MROH7: variants seen among roughly 807,000 people sequenced by gnomAD.
MROH7 encodes maestro heat-like repeat-containing protein family member 7.
MROH7 carries 113 observed loss-of-function variants against 129.2 expected under a neutral mutation model. The observed-to-expected ratio is 0.87, with a 90% CI of 0.75 to 1.02. MROH7 has a LOEUF of 1.02. Among genes scored for constraint, MROH7 ranks in the 50% least tolerant of loss-of-function variants. MROH7 has a pLI of 0.00. For missense variants in MROH7, 1,601 were observed against 1,671.3 expected, an observed-to-expected ratio of 0.96 and a Z score of 0.73; for synonymous variants, 655 against 667.9, an observed-to-expected ratio of 0.98 and a Z score of 0.30.
chr1:54,649,798 C>T (rs904473293), intron 1 of MROH7, among the ~76,000 whole-genome samples: 7 of 152,202 alleles, frequency 4.6e-5, no homozygotes, highest in Non-Finnish European at 1.0e-4. Context: ...GGAAGATTCA[C>T]GCTCCTCCTT....
intron 1 of MROH7, among the ~76,000 whole-genome samples, chr1:54,645,661 T>C (rs1644454955): frequency 6.7e-6 from 1 of 148,680 alleles, no homozygotes. Context: ...CTTTCTTTTT[T>C]TTTTTTTTTG....
chr1:54,710,097 C>G lies in MROH7; in HGVS notation c.3882C>G (p.Ser1294Arg), dbSNP rs139751339. The G allele has an allele frequency of 3.6e-4, 577 of 1,614,014 alleles. 8 individuals are homozygous for G. In the East Asian group the frequency reaches 0.013, roughly 35 times the overall value. ...ACTCAGCCACCACCCACCGCTGGAG[C>G]CCCAGCTGTGAGAACCTGCCCACTT... ...VCYSATTHRW[S>R]PSCENLPTSH... Residue 1294 changes from serine (S) to arginine (R), a missense_variant, in exon 24 of 24, where the codon AGC (serine) becomes AGG (arginine). Physicochemically the swap from Ser to Arg is moderately radical, Grantham distance 110. Coordinates refer to ENST00000421030, the MANE Select transcript of MROH7 (RefSeq NM_001039464.4).
rs1645028857 is a variant in MROH7, at chr1:54,679,220, G to T, written c.2050-43G>T. On this transcript the variant is annotated intron_variant, in intron 11 of 23. Coordinates refer to ENST00000421030, the MANE Select transcript of MROH7 (RefSeq NM_001039464.4). Reference sequence around the variant, plus strand: ...CACAAAGCTCGAAGCTCAAAGCTCGGGCTACCCATCAGTGTGTCATGATCT... The same window carrying T: ...CACAAAGCTCGAAGCTCAAAGCTCGTGCTACCCATCAGTGTGTCATGATCT... 3.1e-6 allele frequency: 5 copies of T among 1,606,510 alleles called. No individual in the cohort carries two copies. The Admixed American group carries it at 5.0e-5, about 16-fold the overall frequency.
intron 10 of MROH7, among the ~76,000 whole-genome samples, chr1:54,677,272 G>C (rs1457747337): frequency 6.6e-6 from 1 of 152,182 alleles, no homozygotes; most frequent in Non-Finnish European, 1.5e-5. Flanking sequence ...GGTGGCGCAT[G>C]CCTATAGTCC....
rs1411481066 is a variant in MROH7 at position 54,686,987 on chromosome 1, A to AT, written c.2711+545dup. ...ATGACAGCACCTCACACTGCTACACATTTTTTGCCTTCATTACATACTATA... is the reference window on the plus strand; with the variant it reads ...ATGACAGCACCTCACACTGCTACACATTTTTTTGCCTTCATTACATACTATA... On this transcript the variant is annotated intron_variant, in intron 15 of 23. Transcript: ENST00000421030. 6.6e-4 allele frequency among the ~76,000 whole-genome samples: 100 copies of AT among 152,012 alleles called. 1 individual carries two copies. The highest frequency in any genetic ancestry group is 1.5e-5 in the Non-Finnish European group (1 of 68,008).
chr1:54,679,365 G>A lies in MROH7; in HGVS notation c.2152G>A (p.Glu718Lys). The A allele has an allele frequency of 6.2e-7, 1 of 1,614,144 alleles. No individual in the cohort carries two copies. Among genetic ancestry groups the A allele is most frequent in the Non-Finnish European group, 8.5e-7 (1 of 1,180,040 alleles). ...AGAGGCTCCAGGGAAGGACTCCAGG[G>A]AGATGATGCAGCTGGCCTCGGAGGT... ...SSEAPGKDSREMMQLASEVML... is the reference protein window; with the variant it reads ...SSEAPGKDSRKMMQLASEVML... The change falls in exon 12 of 24, where the codon GAG becomes AAG. Residue 718 changes from glutamate (E) to lysine (K), a missense_variant. Coordinates refer to ENST00000421030, the MANE Select transcript of MROH7 (RefSeq NM_001039464.4).
intron 17 of MROH7, chr1:54,699,899 G>T: frequency 3.5e-6 from 2 of 563,584 alleles, no homozygotes; most frequent in Non-Finnish European, 6.3e-6. Flanking sequence ...AGCCCTGCGA[G>T]GTGGCAGGGG....
At chr1:54,671,045 G>T in intron 7 of MROH7, 116 bp downstream of exon 7, 1 of 1,157,370 alleles carries the variant, frequency 8.6e-7, no homozygotes, top group Non-Finnish European at 1.2e-6. Flanking sequence ...ACTGACTTCT[G>T]TTGGTCTGAG....
rs776173828 is a variant in MROH7 at position 54,686,447 on chromosome 1, C to T, written c.2710C>T (p.Arg904Cys). Residue 904 changes from arginine to cysteine, a missense_variant and splice_region_variant, in exon 15 of 24, where the codon CGC becomes TGC. Coordinates refer to ENST00000421030, the MANE Select transcript of MROH7 (RefSeq NM_001039464.4). ...GAQPSPFVPVRWVVKVVKTLL... is the reference protein window; with the variant it reads ...GAQPSPFVPVCWVVKVVKTLL... ...ACAGCCCTCTCCCTTCGTACCTGTG[C>T]GGTATGCTCTGCCCTCTCTCTTGAC... The T allele has an allele frequency of 2.6e-5, 42 of 1,613,382 alleles. No homozygotes were observed. Among genetic ancestry groups the T allele is most frequent in the East Asian group, 2.2e-4 (10 of 44,888 alleles).
In MROH7 at chr1:54,659,438, A is replaced by T. The variant is rs1399536136; in HGVS notation, c.1231+5281A>T. Among the ~76,000 whole-genome samples, 4 of 138,368 alleles carry T rather than the reference A, an allele frequency of 2.9e-5. No individual in the cohort carries two copies. The East Asian group carries it at 8.5e-4, about 30-fold the overall frequency. 90.8% of individuals were successfully genotyped at this position (138,368 alleles called of 152,430 possible). A position where few individuals can be genotyped will look rare whatever the true frequency, so the allele number is the denominator to read the frequency against. On this transcript the variant is annotated intron_variant, in intron 3 of 23. Transcript: ENST00000421030. ...GCTGGGATTACAGGTGTCTGCCACCACTTCTGGCTAATTTTTGTATTTTTT... is the reference window on the plus strand; with the variant it reads ...GCTGGGATTACAGGTGTCTGCCACCTCTTCTGGCTAATTTTTGTATTTTTT...
intron 15 of MROH7, among the ~76,000 whole-genome samples, chr1:54,688,794 C>G (rs190494762): frequency 2.6e-4 from 39 of 151,924 alleles, no homozygotes; most frequent in Non-Finnish European, 5.3e-4. Flanking sequence ...GGGGAAAACA[C>G]AAGGGGAAAA....
At chr1:54,665,031 G>C in intron 3 of MROH7, 136 bp from the exon 4 acceptor site, 1 of 615,422 alleles carries the variant, frequency 1.6e-6, no homozygotes, top group Non-Finnish European at 2.9e-6. Context: ...AAAAGGAAAA[G>C]AAAAGAAAGC....
chr1:54,643,828 G>A (rs896014009), intron 1 of MROH7, among the ~76,000 whole-genome samples: 3 of 152,036 alleles, frequency 2.0e-5, no homozygotes, highest in African/African-American at 4.8e-5. Flanking sequence ...GTATAATTTT[G>A]CCTATTATAG....
rs1352132161 is a variant in MROH7, at chr1:54,674,027, G to C, written c.1812G>C (p.Gly604=). 3 of 1,613,938 alleles carry C rather than the reference G, an allele frequency of 1.9e-6. No homozygotes were observed. Among genetic ancestry groups the C allele is most frequent in the African/African-American group, 2.7e-5 (2 of 74,928 alleles). ...LLTLPFFMPL[G]FPALGLLLGR... ...TGCAATACAAACAGATGCCCTTGGG[G>C]TTCCCGGCGCTGGGGCTTCTGCTGG... is the stretch of plus-strand genomic sequence containing the variant. The change falls in exon 10 of 24, where the codon GGG becomes GGC. Residue 604 remains glycine (G), a synonymous_variant. Transcript: ENST00000421030.
At chr1:54,654,631 C>T (rs1035280102) in intron 3 of MROH7, among the ~76,000 whole-genome samples, 1 of 152,088 alleles carries the variant, frequency 6.6e-6, no homozygotes, top group Non-Finnish European at 1.5e-5. Context: ...TGAGATCTCA[C>T]CATTGCACTC....
At chr1:54,700,028 G>A (rs71637866) in intron 17 of MROH7, 3 of 640,002 alleles carry the variant, frequency 4.7e-6, no homozygotes, top group Non-Finnish European at 8.7e-6. Flanking sequence ...GGCTGGTGGT[G>A]AGGGTGTGGG....
chr1:54,647,329 G>C (rs981848788), intron 1 of MROH7, among the ~76,000 whole-genome samples: 1 of 151,964 alleles, frequency 6.6e-6, no homozygotes, highest in African/African-American at 2.4e-5. Context: ...GGGATAGGAG[G>C]CTGGGTGCAG....
At chr1:54,695,929 CAGGG>C in intron 17 of MROH7, 1 of 298,056 alleles carries the variant, frequency 3.4e-6, no homozygotes, top group Non-Finnish European at 6.5e-6. Context: ...AGGGAGGCAT[CAGGG>C]AGGGAGGGCT....
chr1:54,665,312 C>A, intron 4 of MROH7, 72 bp downstream of exon 4: 4 of 1,199,636 alleles, frequency 3.3e-6, no homozygotes, highest in South Asian at 1.3e-5. Flanking sequence ...TACCCCCCAG[C>A]CCAGCAGCCT....
Sources: gnomAD v4.1 joint callset for allele counts (sites outside exome capture counted in the v4.1 genomes callset) on GRCh38, gnomAD v4.1.1 for gene constraint, MANE v1.5 for transcripts, NCBI Gene and HGNC (gene_info 2026-07-23, HGNC 2026-07-21) for gene names.